The following MICALL2 variants were observed in gnomAD, a reference collection of about 807,000 sequenced individuals.
MICALL2 encodes the protein MICAL-like protein 2.
A neutral mutation model predicts 91.1 loss-of-function variants in MICALL2; 111 were observed. The ratio of observed to expected loss-of-function variants is 1.22; its 90% confidence interval spans 1.04 to 1.43. MICALL2 has a LOEUF of 1.43. Among genes scored for constraint, MICALL2 ranks in the 40% most tolerant of loss-of-function variants. MICALL2 has a pLI of 0.00. For missense variants in MICALL2, 1,556 were observed against 1,236.0 expected (o/e 1.26, Z -3.88); for synonymous variants, 694 against 525.3 (o/e 1.32, Z -4.39).
chr7:1,437,330 C>T (rs867569938), intron 14 of MICALL2: 2 of 504,072 alleles, frequency 4.0e-6, no homozygotes, highest in Non-Finnish European at 7.0e-6. Context: ...GAGGATGAAA[C>T]CCAAGCACAG....
At chr7:1,459,069 G>T in intron 1 of MICALL2, 115 bp downstream of exon 1, 1 of 1,089,084 alleles carries the variant, frequency 9.2e-7, no homozygotes, top group Non-Finnish European at 1.3e-6. Context: ...GGCTGTGCCT[G>T]CCCAGTCCCA....
At chr7:1,448,126 C>A in intron 3 of MICALL2, 1 of 248,428 alleles carries the variant, frequency 4.0e-6, no homozygotes, top group Non-Finnish European at 7.7e-6. Context: ...CCGGGCCTGT[C>A]CCTCCCCTGC....
chr7:1,458,087 T>C (rs1197225765), intron 1 of MICALL2, among the ~76,000 whole-genome samples: 1 of 152,246 alleles, frequency 6.6e-6, no homozygotes, highest in Non-Finnish European at 1.5e-5. Flanking sequence ...CACGAATGCA[T>C]GTCACAACCT....
At chr7:1,450,317 C>A (rs767689478) in intron 1 of MICALL2, 29 bp from the exon 2 acceptor site, 1 of 1,605,312 alleles carries the variant, frequency 6.2e-7, no homozygotes, top group Non-Finnish European at 8.5e-7. Context: ...ATGTCCAAAG[C>A]AGCTCAGAGT....
chr7:1,456,189 G>C (rs1213519107), intron 1 of MICALL2, among the ~76,000 whole-genome samples: 1 of 147,982 alleles, frequency 6.8e-6, no homozygotes, highest in Non-Finnish European at 1.5e-5. Flanking sequence ...GGGAGGCTGA[G>C]GCAGGAGGAT....
chr7:1,454,404 A>C (rs1237125180), intron 1 of MICALL2, among the ~76,000 whole-genome samples: 1 of 145,962 alleles, frequency 6.9e-6, no homozygotes, highest in African/African-American at 2.5e-5. Flanking sequence ...TCGGGGAAGG[A>C]GCAAACCTCA....
chr7:1,443,957 AG>A (rs1380154635), intron 6 of MICALL2, among the ~76,000 whole-genome samples: 2 of 152,072 alleles, frequency 1.3e-5, no homozygotes, highest in Admixed American at 6.6e-5. Context: ...ATGGAAGGTC[AG>A]GGCCTGGCTG....
intron 16 of MICALL2, 24 bp downstream of exon 16, chr7:1,435,077 C>A (rs549129945): frequency 9.9e-6 from 16 of 1,610,704 alleles, no homozygotes; most frequent in African/African-American, 6.7e-5. Context: ...CCAGCCCAGC[C>A]CTCAGCATCC....
rs1780058176 is a variant in MICALL2 at position 1,437,969 on chromosome 7, C to T, written c.2323G>A (p.Asp775Asn). 1 of 1,550,446 alleles carries T rather than the reference C, an allele frequency of 6.4e-7. No individual in the cohort carries two copies. The highest frequency in any genetic ancestry group is 1.2e-5 in the South Asian group (1 of 84,068). ...CAGAACCAGTCCACCATGAGGCTATCCTCAGCGTCATCTGGGGAGAGGAGC... is the reference window on the plus strand; with the variant it reads ...CAGAACCAGTCCACCATGAGGCTATTCTCAGCGTCATCTGGGGAGAGGAGC... ...LRAAEGDDAE[D>N]SLMVDWFWLI... is the part of the protein sequence containing the mutation. The change falls in exon 13 of 17, where the codon GAT becomes AAT. Residue 775 changes from aspartate to asparagine, a missense_variant. Physicochemically the swap from Asp to Asn is conservative, Grantham distance 23. Coordinates refer to ENST00000297508, the MANE Select transcript of MICALL2 (RefSeq NM_182924.4).
Position 1,452,152 on chromosome 7 carries a change from G to A in MICALL2, c.144-1864C>T, listed in dbSNP as rs1283675993. Among the ~76,000 whole-genome samples the A allele has an allele frequency of 6.6e-6, 1 of 152,134 alleles. No individual in the cohort carries two copies. Among genetic ancestry groups the A allele is most frequent in the African/African-American group, 2.4e-5 (1 of 41,416 alleles). On this transcript the variant is annotated intron_variant, in intron 1 of 16. Transcript: ENST00000297508. This position sits in a 1 kb window ranked among gnomAD's most constrained non-coding sequence, Gnocchi z 6.2. ...CAGGTTTCAGACGGCAGGACCACCC[G>A]TCTGCACAGGCGGAGCTTCTGCACG...
In MICALL2 at chr7:1,442,310, C is replaced by T. The variant is rs1368826654; in HGVS notation, c.1593G>A (p.Leu531=). 1 of 1,613,188 alleles carries T rather than the reference C, an allele frequency of 6.2e-7. No homozygotes were observed. The highest frequency in any genetic ancestry group is 2.2e-5 in the East Asian group (1 of 44,884). The change falls in exon 7 of 17, where the codon TTG becomes TTA. Residue 531 remains leucine (L), a synonymous_variant. Coordinates refer to ENST00000297508, the MANE Select transcript of MICALL2 (RefSeq NM_182924.4). ...STSSTSQASA[L]PPAGRRNLAE... ...CCAAGTTCCTCCTGCCTGCCGGGGG[C>T]AACGCGGATGCCTGAGAGGTACTGC...
At chr7:1,455,522 G>GCAGTGGCTCGCGCCCATAACCCCAGAAC (rs1469214856) in intron 1 of MICALL2, among the ~76,000 whole-genome samples, 6 of 152,052 alleles carry the variant, frequency 3.9e-5, no homozygotes, top group Non-Finnish European at 8.8e-5. Context: ...TTTCCTGGCC[G>GCAGTGGCTCGCGCCCATAACCCCAGAAC]TAAAGCGGAG....
chr7:1,458,819 G>A, intron 1 of MICALL2, among the ~76,000 whole-genome samples: 1 of 152,234 alleles, frequency 6.6e-6, no homozygotes, highest in Non-Finnish European at 1.5e-5. Flanking sequence ...GGCTATCCAG[G>A]GACCCCATCT....
chr7:1,445,105 G>A lies in MICALL2; in HGVS notation c.965C>T (p.Pro322Leu). ...TSVHVRSPAR[P>L]SESRLAPTPT... ...AGTGGGGGCCAGGCGGCTCTCAGAG[G>A]GCCTGGCTGGGCTCCTCACGTGGAC... Residue 322 changes from proline (P) to leucine (L), a missense_variant, in exon 6 of 17, where the codon CCC (proline) becomes CTC (leucine). Physicochemically the swap from Pro to Leu is moderately conservative, Grantham distance 98. Coordinates refer to ENST00000297508, the MANE Select transcript of MICALL2 (RefSeq NM_182924.4). 1 of 1,554,166 alleles carries A rather than the reference G, an allele frequency of 6.4e-7. No homozygotes were observed. Among genetic ancestry groups the A allele is most frequent in the Non-Finnish European group, 8.7e-7 (1 of 1,149,812 alleles).
Position 1,451,840 on chromosome 7 carries a change from G to A in MICALL2, c.144-1552C>T, listed in dbSNP as rs963317641. On this transcript the variant is annotated intron_variant, in intron 1 of 16. Coordinates refer to ENST00000297508, the MANE Select transcript of MICALL2 (RefSeq NM_182924.4). This position sits in a 1 kb window ranked among gnomAD's most constrained non-coding sequence, Gnocchi z 4.5. Reference sequence around the variant, plus strand: ...ACCCCTGTGGCCACGCAGCCTGGGCGGCCTAGTTCTGAGCCCAGCCTGCAC... The same window carrying A: ...ACCCCTGTGGCCACGCAGCCTGGGCAGCCTAGTTCTGAGCCCAGCCTGCAC... 8.5e-5 allele frequency among the ~76,000 whole-genome samples: 13 copies of A among 152,182 alleles called. No individual in the cohort carries two copies. Among genetic ancestry groups the A allele is most frequent in the South Asian group, 4.1e-4 (2 of 4,836 alleles).
At chr7:1,438,652 C>G in intron 10 of MICALL2, 188 bp downstream of exon 10, 1 of 1,424,026 alleles carries the variant, frequency 7.0e-7, no homozygotes, top group Non-Finnish European at 9.2e-7. Flanking sequence ...TAACAAGGTA[C>G]TCTGAAACAG....
chr7:1,437,749 A>T, intron 13 of MICALL2, 141 bp from the exon 14 acceptor site: 1 of 1,174,572 alleles, frequency 8.5e-7, no homozygotes, highest in Non-Finnish European at 1.2e-6. Context: ...CGCCTGGCCC[A>T]CCCAGACCGC....
At chr7:1,441,540 C>T (rs2128520936) in intron 7 of MICALL2, 1 of 153,798 alleles carries the variant, frequency 6.5e-6, no homozygotes, top group Non-Finnish European at 1.4e-5. Flanking sequence ...GTCCAGGGAG[C>T]CCCCAGGAAG....
In MICALL2 at chr7:1,442,335, C is replaced by G. The variant is rs780277245; in HGVS notation, c.1568G>C (p.Ser523Thr). 6.2e-7 allele frequency: 1 copy of G among 1,613,170 alleles called. No individual in the cohort carries two copies. The highest frequency in any genetic ancestry group is 1.3e-5 in the African/African-American group (1 of 75,056). Residue 523 changes from serine (S) to threonine (T), a missense_variant, in exon 7 of 17, where the codon AGC (serine) becomes ACC (threonine). Transcript: ENST00000297508. ...CAACGCGGATGCCTGAGAGGTACTG[C>G]TCGTGCTCAGCGGGGCTGGCGGTTC... ...RMEPPAPLST[S>T]STSQASALPP... is the part of the protein sequence containing the mutation.
Sources: allele counts gnomAD v4.1 joint callset (sites outside exome capture counted in the v4.1 genomes callset), GRCh38; gene constraint gnomAD v4.1.1; non-coding constraint Gnocchi (gnomAD v3.1); transcripts MANE v1.5; gene names NCBI Gene and HGNC (gene_info 2026-07-23, HGNC 2026-07-21).